COQ6: variants seen among roughly 807,000 people sequenced by gnomAD.
The protein encoded by COQ6 is coenzyme Q6, monooxygenase.
A neutral mutation model predicts 55.5 loss-of-function variants in COQ6; 45 were observed. The observed-to-expected ratio is 0.81, with a 90% CI of 0.64 to 1.04. The LOEUF is 1.04. Ranked by LOEUF, COQ6 falls within the 50% of genes least tolerant of loss-of-function variation. The pLI is 0.00. For missense variants in COQ6, 550 were observed against 601.3 expected (o/e 0.91, Z 0.89); for synonymous variants, 206 against 230.5 (o/e 0.89, Z 0.96).
intron 1 of COQ6, among the ~76,000 whole-genome samples, chr14:73,951,700 T>A (rs539775976): frequency 5.3e-5 from 8 of 150,846 alleles, no homozygotes; most frequent in Admixed American, 2.0e-4. Context: ...AGTGTTTTTT[T>A]ATATGTGACC....
At position 73,961,774 on chromosome 14, in the gene COQ6, A is replaced by T; in HGVS notation, c.1248A>T (p.Arg416Ser). ...ACCTCACAGGTTATGAAACAGAAAG[A>T]CAGCGTCACAACACTGCTCTTCTGG... ...VSHLTGYETE[R>S]QRHNTALLAA... Residue 416 changes from arginine (R) to serine (S), a missense_variant, in exon 11 of 12, where the codon AGA (arginine) becomes AGT (serine). Transcript: ENST00000334571. The T allele has an allele frequency of 6.2e-7, 1 of 1,614,170 alleles. No homozygotes were observed. Among genetic ancestry groups the T allele is most frequent in the Non-Finnish European group, 8.5e-7 (1 of 1,180,022 alleles).
At chr14:73,950,236 C>T (rs1173208979), upstream of COQ6, 1 of 1,538,686 alleles carries the variant, frequency 6.5e-7, no homozygotes, top group East Asian at 2.4e-5. Flanking sequence ...GTTCTGAGGA[C>T]GCCGCGGAAG....
chr14:73,960,001 A>C, intron 8 of COQ6: 3 of 1,033,596 alleles, frequency 2.9e-6, no homozygotes, highest in Non-Finnish European at 3.5e-6. Context: ...GAAATAATAA[A>C]TAATAACCTT....
chr14:73,957,472 ATAGTG>A (rs561810782), intron 4 of COQ6, among the ~76,000 whole-genome samples: 5 of 152,072 alleles, frequency 3.3e-5, no homozygotes, highest in Non-Finnish European at 5.9e-5. Flanking sequence ...GTTTTTGGAG[ATAGTG>A]TTTTGTTTTG....
rs760972463 is a variant in COQ6 at position 73,961,203 on chromosome 14, G to T, written c.922G>T (p.Asp308Tyr). 1.3e-5 allele frequency: 21 copies of T among 1,613,910 alleles called. No individual in the cohort carries two copies. The highest frequency in any genetic ancestry group is 2.2e-5 in the East Asian group (1 of 44,880). ...TGATGCTGACCACACGGACTTCATC[G>T]ACACAGCTGGTGCCATGCTGCAGTA... ...WSDADHTDFI[D>Y]TAGAMLQYAV... The change falls in exon 9 of 12, where the codon GAC (aspartate) becomes TAC (tyrosine). Residue 308 changes from aspartate to tyrosine, a missense_variant. Transcript: ENST00000334571.
At position 73,951,391 on chromosome 14, in the gene COQ6, T is replaced by C. The variant is rs559976169; in HGVS notation, c.163+896T>C. Among the ~76,000 whole-genome samples the C allele has an allele frequency of 2.7e-5, 4 of 150,906 alleles. No homozygotes were observed. The South Asian group carries it at 6.3e-4, about 24-fold the overall frequency. On this transcript the variant is annotated intron_variant, in intron 1 of 11. Transcript: ENST00000334571. Reference sequence around the variant, plus strand: ...GTCTTTTCACTTTTTTTTTTTTCCCTGAGATGGAGTTTCGCTCTTGTTGCC... The same window carrying C: ...GTCTTTTCACTTTTTTTTTTTTCCCCGAGATGGAGTTTCGCTCTTGTTGCC...
intron 5 of COQ6, chr14:73,958,617 T>C: frequency 7.8e-7 from 1 of 1,288,726 alleles, no homozygotes; most frequent in South Asian, 1.6e-5. Context: ...GCTCACAAGC[T>C]TCCCTTTTTG....
intron 1 of COQ6, 140 bp downstream of exon 1, chr14:73,950,635 C>T: frequency 1.5e-6 from 2 of 1,297,862 alleles, no homozygotes; most frequent in African/African-American, 3.0e-5. Context: ...CTAGAGGAAC[C>T]CCAGGGCACG....
chr14:73,958,321 A>G lies in COQ6; in HGVS notation c.612+44A>G, dbSNP rs984241910. 3.1e-6 allele frequency: 5 copies of G among 1,612,482 alleles called. No individual in the cohort carries two copies. In the African/African-American group the frequency reaches 6.7e-5, roughly 22 times the overall value. On this transcript the variant is annotated intron_variant, in intron 5 of 11. Coordinates refer to ENST00000334571, the MANE Select transcript of COQ6 (RefSeq NM_182476.3). ...TTTGCTAGGGGTCTTGTATATCTAC[A>G]TCTTATCCTAGATTCTAGGGACTCT...
At chr14:73,957,251 C>T (rs2056482452) in intron 4 of COQ6, among the ~76,000 whole-genome samples, 1 of 152,026 alleles carries the variant, frequency 6.6e-6, no homozygotes, top group African/African-American at 2.4e-5. Context: ...GCGCCTGCCA[C>T]CGTGCCCAGC....
intron 4 of COQ6, 79 bp downstream of exon 4, chr14:73,956,007 CA>C (rs753999650): frequency 1.3e-6 from 2 of 1,589,122 alleles, no homozygotes; most frequent in Admixed American, 3.3e-5. Flanking sequence ...ATCTCTTTTA[CA>C]ATATTCAGTG....
chr14:73,950,438 T>G lies in COQ6; in HGVS notation c.106T>G (p.Tyr36Asp), dbSNP rs777410157. The G allele has an allele frequency of 8.1e-6, 13 of 1,608,922 alleles. No homozygotes were observed. The highest frequency in any genetic ancestry group is 1.1e-5 in the Non-Finnish European group (13 of 1,178,056). ...RWSGASTDTV[Y>D]DVVVSGGGLV... ...GTCCGGCGCCTCAACAGACACCGTG[T>G]ATGACGTGGTGGTGTCGGGTGGAGG... Residue 36 changes from tyrosine to aspartate, a missense_variant, in exon 1 of 12, where the codon TAT (tyrosine) becomes GAT (aspartate). Coordinates refer to ENST00000334571, the MANE Select transcript of COQ6 (RefSeq NM_182476.3).
At chr14:73,958,672 G>C (rs2056560284) in intron 5 of COQ6, 1 of 1,324,818 alleles carries the variant, frequency 7.5e-7, no homozygotes, top group Admixed American at 3.1e-5. Context: ...TTCAGCTCCA[G>C]TGTGTGCCCC....
At chr14:73,961,068 T>G in intron 8 of COQ6, 105 bp from the exon 9 acceptor site, 1 of 1,312,462 alleles carries the variant, frequency 7.6e-7, no homozygotes, top group South Asian at 1.3e-5. Context: ...GCAAGTTGGG[T>G]AGCATTAGCC....
At chr14:73,959,105 A>C in intron 6 of COQ6, 27 bp downstream of exon 6, 2 of 1,613,962 alleles carry the variant, frequency 1.2e-6, no homozygotes, top group Non-Finnish European at 8.5e-7. Flanking sequence ...CCATCTGGGG[A>C]CTTTATTCAT....
At chr14:73,956,161 A>G (rs1027559163) in intron 4 of COQ6, 4 of 438,904 alleles carry the variant, frequency 9.1e-6, no homozygotes, top group African/African-American at 6.1e-5. Flanking sequence ...TGTCTCTACT[A>G]AAAATACAAA....
upstream of COQ6, chr14:73,950,151 C>G: frequency 6.3e-7 from 1 of 1,592,280 alleles, no homozygotes; most frequent in Non-Finnish European, 8.5e-7. Flanking sequence ...TCCAGGGCAG[C>G]CTCCGATCCA....
chr14:73,950,257 T>G (rs2056132328), upstream of COQ6: 1 of 1,538,552 alleles, frequency 6.5e-7, no homozygotes, highest in Non-Finnish European at 8.7e-7. Flanking sequence ...CGGGACGGGA[T>G]TGGAGTGCTC....
At chr14:73,950,108 C>A, upstream of COQ6, 1 of 1,602,640 alleles carries the variant, frequency 6.2e-7, no homozygotes, top group Non-Finnish European at 8.5e-7. Context: ...GGGCCAGGGT[C>A]CACCCCTTTC....
Sources: allele counts gnomAD v4.1 joint callset (sites outside exome capture counted in the v4.1 genomes callset), GRCh38; gene constraint gnomAD v4.1.1; transcripts MANE v1.5; gene names NCBI Gene and HGNC (gene_info 2026-07-23, HGNC 2026-07-21).